The following ANK3 variants were observed in gnomAD, a reference collection of about 807,000 sequenced individuals.
ANK3 encodes ankyrin-3.
ANK3 carries 57 observed loss-of-function variants against 370.9 expected under a neutral mutation model. That is an observed-to-expected ratio of 0.15 (90% CI 0.12 to 0.19). The LOEUF is 0.19. Ranked by LOEUF, ANK3 falls within the 10% of genes least tolerant of loss-of-function variation. ANK3 has a pLI of 1.00. For synonymous variants in ANK3, 1,929 were observed against 1,946.3 expected, an observed-to-expected ratio of 0.99 and a Z score of 0.23; for missense variants, 4,439 against 5,302.1, an observed-to-expected ratio of 0.84 and a Z score of 5.06.
intron 2 of ANK3, among the ~76,000 whole-genome samples, chr10:60,413,494 T>C (rs2063600868): frequency 6.6e-6 from 1 of 152,202 alleles, no homozygotes; most frequent in South Asian, 2.1e-4. Flanking sequence ...GGAGACAATA[T>C]GAAAACCTCT....
intron 10 of ANK3, among the ~76,000 whole-genome samples, chr10:60,206,794 G>T (rs2096770329): frequency 6.6e-6 from 1 of 152,130 alleles, no homozygotes; most frequent in South Asian, 2.1e-4. Flanking sequence ...CCTGCCGATT[G>T]AGACTGTGGC....
At chr10:60,458,146 A>T (rs1410424578) in intron 2 of ANK3, among the ~76,000 whole-genome samples, 1 of 152,086 alleles carries the variant, frequency 6.6e-6, no homozygotes, top group Non-Finnish European at 1.5e-5. Flanking sequence ...GGAAGTTGTG[A>T]TGTTTTGTGC....
chr10:60,652,698 A>AG (rs1047963637), intron 1 of ANK3, among the ~76,000 whole-genome samples: 5 of 151,506 alleles, frequency 3.3e-5, no homozygotes, highest in African/African-American at 1.2e-4. Context: ...AAATGTAAAA[A>AG]AAAAAAAAAA....
chr10:60,054,969 GA>G (rs1417023038), intron 42 of ANK3, among the ~76,000 whole-genome samples: 1 of 151,800 alleles, frequency 6.6e-6, no homozygotes, highest in Non-Finnish European at 1.5e-5. Flanking sequence ...AAACCTCAAA[GA>G]AAAAAATCTA....
At chr10:60,196,468 A>G in intron 15 of ANK3, 59 bp downstream of exon 15, 2 of 1,181,068 alleles carry the variant, frequency 1.7e-6, no homozygotes, top group Admixed American at 3.8e-5. Flanking sequence ...GAATATTAGC[A>G]AGGGTGTATT....
intron 2 of ANK3, among the ~76,000 whole-genome samples, chr10:60,470,627 C>T (rs553100098): frequency 6.6e-6 from 1 of 152,116 alleles, no homozygotes; most frequent in African/African-American, 2.4e-5. Context: ...CAGTGATAGG[C>T]ACAGGATAGA....
chr10:60,040,014 T>C (rs181001292), intron 43 of ANK3, among the ~76,000 whole-genome samples: 95 of 152,290 alleles, frequency 6.2e-4, no homozygotes, highest in Middle Eastern at 3.4e-3. Context: ...ACAAGCAAAA[T>C]TGCCTGACTT....
chr10:60,250,260 G>A (rs1369178225), intron 7 of ANK3, among the ~76,000 whole-genome samples: 1 of 152,210 alleles, frequency 6.6e-6, no homozygotes, highest in Non-Finnish European at 1.5e-5. Context: ...AGTCCCCAGT[G>A]CAGAGTTAAT....
rs746880099 is a variant in ANK3, at chr10:60,074,384, C to A, written c.6497G>T (p.Arg2166Ile). Residue 2166 changes from arginine to isoleucine, a missense_variant, in exon 37 of 44, where the codon AGA becomes ATA. By Grantham distance (97) the Arg-to-Ile change is moderately conservative. Around this residue, in one of 13 missense-constraint regions of ANK3, gnomAD observed 1,601 missense variants for 1,731.7 expected, o/e 0.92. Coordinates refer to ENST00000280772, the MANE Select transcript of ANK3 (RefSeq NM_020987.5). ...CCTGATAACATGAACCACTTCAGTT[C>A]TTGTTTCTGTAATGACAGGAGGGAT... ...VPIPPVITET[R>I]TEVVHVIRSY... is the part of the protein sequence containing the mutation. 9.9e-6 allele frequency: 16 copies of A among 1,614,028 alleles called. No individual in the cohort carries two copies. Among genetic ancestry groups the A allele is most frequent in the Non-Finnish European group, 1.4e-5 (16 of 1,179,986 alleles).
At chr10:60,624,135 T>C (rs1308707140) in intron 1 of ANK3, among the ~76,000 whole-genome samples, 1 of 152,024 alleles carries the variant, frequency 6.6e-6, no homozygotes, top group Non-Finnish European at 1.5e-5. Context: ...AAATACTCTG[T>C]ACACCAAACC....
Position 60,070,849 on chromosome 10 carries a change from T to A in ANK3, c.10032A>T (p.Lys3344Asn). The A allele has an allele frequency of 6.2e-7, 1 of 1,614,164 alleles. No individual in the cohort carries two copies. Among genetic ancestry groups the A allele is most frequent in the East Asian group, 2.2e-5 (1 of 44,882 alleles). Reference protein sequence around the residue: ...FKLKEVDDEQKEKPKASAEKA... With the variant: ...FKLKEVDDEQNEKPKASAEKA... Reference sequence around the variant, plus strand: ...TTTCAGCAGAAGCTTTGGGTTTTTCTTTTTGTTCATCGTCCACTTCCTTTA... The same window carrying A: ...TTTCAGCAGAAGCTTTGGGTTTTTCATTTTGTTCATCGTCCACTTCCTTTA... The change falls in exon 37 of 44, where the codon AAA becomes AAT. Residue 3344 changes from lysine (K) to asparagine (N), a missense_variant. Lys to Asn is a moderately conservative substitution (Grantham distance 94). This residue lies in a region of ANK3 where 1,601 missense variants were observed against 1,731.7 expected (regional missense o/e 0.92). Coordinates refer to ENST00000280772, the MANE Select transcript of ANK3 (RefSeq NM_020987.5). This position sits in a 1 kb window ranked among gnomAD's most constrained non-coding sequence, Gnocchi z 5.7.
chr10:60,283,784 T>A (rs2098201623), intron 1 of ANK3, among the ~76,000 whole-genome samples: 1 of 152,150 alleles, frequency 6.6e-6, no homozygotes, highest in South Asian at 2.1e-4. Context: ...GAATAAGCAT[T>A]TTCAGAGTGC....
rs775186913 is a variant in ANK3 at position 60,069,295 on chromosome 10, T to C, written c.11586A>G (p.Lys3862=). The change falls in exon 37 of 44, where the codon AAA becomes AAG. Residue 3862 remains lysine (K), a synonymous_variant. Coordinates refer to ENST00000280772, the MANE Select transcript of ANK3 (RefSeq NM_020987.5). ...KTKELIGIRQ[K]SKLPIKATSP... ...AAGTGGCCTTTATGGGAAGTTTGGA[T>C]TTTTGCCTAATCCCTATCAATTCCT... 9 of 1,614,012 alleles carry C rather than the reference T, an allele frequency of 5.6e-6. No homozygotes were observed. Among genetic ancestry groups the C allele is most frequent in the Non-Finnish European group, 7.6e-6 (9 of 1,180,002 alleles).
In ANK3 at chr10:60,279,079, T is replaced by G. The variant is rs2098128618; in HGVS notation, c.286A>C (p.Arg96=). ...GTAGCTGCATCCACATTGGCTTCTC[T>G]CTGCAGCAGCTCAGAAACAACCTCT... is the stretch of plus-strand genomic sequence containing the variant. ...HVEVVSELLQ[R]EANVDAATKK... The change falls in exon 3 of 44, where the codon AGA becomes CGA. Residue 96 remains arginine, a synonymous_variant. Transcript: ENST00000280772. The G allele has an allele frequency of 6.2e-7, 1 of 1,613,832 alleles. No individual in the cohort carries two copies. Among genetic ancestry groups the G allele is most frequent in the Non-Finnish European group, 8.5e-7 (1 of 1,179,944 alleles).
Position 60,069,468 on chromosome 10 carries a change from T to C in ANK3, c.11413A>G (p.Asn3805Asp). The change falls in exon 37 of 44, where the codon AAT becomes GAT. Residue 3805 changes from asparagine (N) to aspartate (D), a missense_variant. Physicochemically the swap from Asn to Asp is conservative, Grantham distance 23. This residue lies in a region of ANK3 where 496 missense variants were observed against 529.3 expected (regional missense o/e 0.94). Coordinates refer to ENST00000280772, the MANE Select transcript of ANK3 (RefSeq NM_020987.5). ...GCAGAATGTTCTGTCAGAACTATAT[T>C]ACTCATAATGTTATCTGTCTGTATA... The part of the protein sequence containing the change: ...STIQTDNIMS[N>D]IVLTEHSAPT... 1 of 1,613,918 alleles carries C rather than the reference T, an allele frequency of 6.2e-7. No homozygotes were observed. Among genetic ancestry groups the C allele is most frequent in the Admixed American group, 1.7e-5 (1 of 60,012 alleles).
chr10:60,415,925 C>CA (rs1555369997), intron 2 of ANK3, among the ~76,000 whole-genome samples: 3 of 122,778 alleles, frequency 2.4e-5, no homozygotes, highest in Non-Finnish European at 5.4e-5. Context: ...TGCCCCCCAC[C>CA]CCCCCGCCAT....
intron 2 of ANK3, among the ~76,000 whole-genome samples, chr10:60,426,813 G>A (rs80066168): frequency 6.6e-6 from 1 of 152,090 alleles, no homozygotes; most frequent in African/African-American, 2.4e-5. Flanking sequence ...ATGAAGTATA[G>A]AAGCCAATAT....
At chr10:60,264,565 T>C (rs1592706035) in intron 5 of ANK3, among the ~76,000 whole-genome samples, 3 of 151,072 alleles carry the variant, frequency 2.0e-5, no homozygotes, top group African/African-American at 7.3e-5. Context: ...ATAGCTTGAA[T>C]CTGGGAGGTG....
Position 60,073,680 on chromosome 10 carries a change from C to T in ANK3, c.7201G>A (p.Glu2401Lys), listed in dbSNP as rs1298792417. ...GACTCCAGATAAGAAGGCAATGACTCTTCAGCAGTAAGTTCTTCTTCTTCT... is the reference window on the plus strand; with the variant it reads ...GACTCCAGATAAGAAGGCAATGACTTTTCAGCAGTAAGTTCTTCTTCTTCT... ...QQEEEELTAE[E>K]SLPSYLESSR... The change falls in exon 37 of 44, where the codon GAG becomes AAG. Residue 2401 changes from glutamate (E) to lysine (K), a missense_variant. Glu to Lys is a moderately conservative substitution (Grantham distance 56, BLOSUM62 1). Transcript: ENST00000280772. 6.2e-7 allele frequency: 1 copy of T among 1,614,084 alleles called. No individual in the cohort carries two copies.
Sources: allele counts gnomAD v4.1 joint callset (sites outside exome capture counted in the v4.1 genomes callset), GRCh38; gene constraint gnomAD v4.1.1; regional missense constraint gnomAD v4.1.1; non-coding constraint Gnocchi (gnomAD v3.1); transcripts MANE v1.5; gene names NCBI Gene and HGNC (gene_info 2026-07-23, HGNC 2026-07-21).